Variants in CEP128 observed in about 807,000 individuals in gnomAD.
CEP128 encodes centrosomal protein 128.
In CEP128, 132 loss-of-function variants were observed where a neutral mutation model predicts 156.7. That is an observed-to-expected ratio of 0.84 (90% CI 0.73 to 0.97). The LOEUF (loss-of-function observed/expected upper bound fraction) is 0.97. CEP128 is among the 50% of genes least tolerant of loss of function. The pLI, the probability that CEP128 is intolerant of heterozygous loss-of-function variation, is 0.00. For synonymous variants in CEP128, 469 were observed against 448.9 expected (o/e 1.04, Z -0.57); for missense variants, 1,252 against 1,281.9 (o/e 0.98, Z 0.36).
chr14:80,683,447 A>C (rs1896402633), intron 19 of CEP128, among the ~76,000 whole-genome samples: 1 of 152,180 alleles, frequency 6.6e-6, no homozygotes, highest in South Asian at 2.1e-4. Context: ...CACACCACCC[A>C]ACATTGAAGC....
chr14:80,569,653 G>T (rs1459350482), intron 20 of CEP128, among the ~76,000 whole-genome samples: 1 of 152,146 alleles, frequency 6.6e-6, no homozygotes, highest in East Asian at 1.9e-4. Context: ...ATTCTTATTA[G>T]ACTCTCCCTA....
chr14:80,596,841 A>AAAAAAAG (rs1892343385), intron 19 of CEP128, among the ~76,000 whole-genome samples: 1 of 111,124 alleles, frequency 9.0e-6, no homozygotes, highest in Non-Finnish European at 1.8e-5. Context: ...AAAAAAAAAA[A>AAAAAAAG]AGGTGGGGGG....
intron 2 of CEP128, among the ~76,000 whole-genome samples, chr14:80,922,922 G>A (rs1025253): frequency 0.68 from 103,189 of 152,062 alleles, 35,956 homozygotes; most frequent in African/African-American, 0.84. Flanking sequence ...AAAAAGCAGT[G>A]AACACTCTTC....
At chr14:80,766,072 T>A (rs1900224147) in intron 16 of CEP128, among the ~76,000 whole-genome samples, 1 of 152,076 alleles carries the variant, frequency 6.6e-6, no homozygotes, top group African/African-American at 2.4e-5. Context: ...GACCACAAAA[T>A]CAAAAGCACA....
intron 2 of CEP128, among the ~76,000 whole-genome samples, chr14:80,930,125 G>A (rs1885377741): frequency 1.3e-5 from 2 of 152,174 alleles, no homozygotes; most frequent in Non-Finnish European, 2.9e-5. Context: ...AATGTCTGAT[G>A]ACCTGAGGTG....
At chr14:80,494,939 C>T (rs1456107616), downstream of CEP128, among the ~76,000 whole-genome samples, 1 of 152,132 alleles carries the variant, frequency 6.6e-6, no homozygotes, top group Admixed American at 6.6e-5. Context: ...AATAATATGA[C>T]CTTAGCCAAT....
rs1230443777 is a variant in CEP128 at position 80,581,061 on chromosome 14, CT to C, written c.2807-639del. On this transcript the variant is annotated intron_variant, in intron 19 of 24. Transcript: ENST00000555265. ...AGTGGTTGGAAGGGAAGGTCGTCAA[CT>C]GAAGAGAGCTCTGTCTTAATGCATG... Among the ~76,000 whole-genome samples, 19 of 152,280 alleles carry C rather than the reference CT, an allele frequency of 1.2e-4. No homozygotes were observed. In the East Asian group the frequency reaches 3.7e-3, roughly 29 times the overall value.
At chr14:80,883,605 T>C (rs1398467872) in intron 8 of CEP128, among the ~76,000 whole-genome samples, 2 of 152,034 alleles carry the variant, frequency 1.3e-5, no homozygotes, top group African/African-American at 2.4e-5. Flanking sequence ...CATTAAAAAA[T>C]GGAAAGATAT....
intron 8 of CEP128, among the ~76,000 whole-genome samples, chr14:80,868,108 AC>A (rs1887858530): frequency 6.6e-6 from 1 of 152,132 alleles, no homozygotes; most frequent in South Asian, 2.1e-4. Context: ...GAATATCATA[AC>A]CATTAATTTG....
intron 8 of CEP128, among the ~76,000 whole-genome samples, chr14:80,886,426 A>C (rs1888802920): frequency 6.6e-6 from 1 of 152,232 alleles, no homozygotes; most frequent in Non-Finnish European, 1.5e-5. Flanking sequence ...ACTACAGCAG[A>C]TCTCTCAGCA....
intron 8 of CEP128, among the ~76,000 whole-genome samples, chr14:80,878,767 C>T (rs1888397518): frequency 6.6e-6 from 1 of 152,194 alleles, no homozygotes; most frequent in Non-Finnish European, 1.5e-5. Flanking sequence ...GGAAGAACTG[C>T]ATCCACTCAT....
chr14:80,706,679 T>C (rs1826822139), intron 19 of CEP128, among the ~76,000 whole-genome samples: 1 of 152,144 alleles, frequency 6.6e-6, no homozygotes, highest in African/African-American at 2.4e-5. Context: ...TAGTTTTGTG[T>C]CTTTTACCAA....
intron 19 of CEP128, among the ~76,000 whole-genome samples, chr14:80,592,278 AG>A (rs1892108916): frequency 6.6e-6 from 1 of 152,216 alleles, no homozygotes; most frequent in South Asian, 2.1e-4. Flanking sequence ...GGTAGAAAAC[AG>A]GGGAGAATCA....
intron 17 of CEP128, among the ~76,000 whole-genome samples, chr14:80,757,712 C>A (rs1595356027): frequency 6.6e-6 from 1 of 152,218 alleles, no homozygotes; most frequent in East Asian, 1.9e-4. Context: ...TCCTCTCTCT[C>A]TACAAGGAGA....
intron 13 of CEP128, among the ~76,000 whole-genome samples, chr14:80,810,149 C>T (rs909119904): frequency 6.6e-6 from 1 of 151,406 alleles, no homozygotes; most frequent in Non-Finnish European, 1.5e-5. Flanking sequence ...CAGTGAAACC[C>T]CGTCTTTACT....
At chr14:80,951,846 G>C (rs1208939703) in intron 2 of CEP128, among the ~76,000 whole-genome samples, 1 of 151,866 alleles carries the variant, frequency 6.6e-6, no homozygotes, top group Admixed American at 6.5e-5. Flanking sequence ...AGATGGATTG[G>C]CTCTACCAAT....
chr14:80,784,535 G>A (rs1051862079), intron 15 of CEP128, among the ~76,000 whole-genome samples: 1 of 152,152 alleles, frequency 6.6e-6, no homozygotes, highest in African/African-American at 2.4e-5. Flanking sequence ...AAGGACTGTG[G>A]TTATAGCTTC....
intron 6 of CEP128, among the ~76,000 whole-genome samples, chr14:80,900,334 C>T (rs1458489334): frequency 6.6e-6 from 1 of 151,974 alleles, no homozygotes; most frequent in Non-Finnish European, 1.5e-5. Context: ...AAAGAGAGAG[C>T]GAGAAAGAAG....
intron 19 of CEP128, among the ~76,000 whole-genome samples, chr14:80,699,973 A>G (rs1207025037): frequency 2.6e-5 from 4 of 152,168 alleles, no homozygotes; most frequent in Non-Finnish European, 4.4e-5. Context: ...AGGGACCAGT[A>G]GTACTACAGG....
Sources: gnomAD v4.1 joint callset for allele counts (sites outside exome capture counted in the v4.1 genomes callset) on GRCh38, gnomAD v4.1.1 for gene constraint, MANE v1.5 for transcripts, NCBI Gene and HGNC (gene_info 2026-07-23, HGNC 2026-07-21) for gene names.